ANK3: variants seen among roughly 807,000 people sequenced by gnomAD.
ANK3 encodes the protein ankyrin 3, also known as ankyrin-3.
Under a neutral mutation model 370.9 loss-of-function variants are expected in ANK3, and 57 were observed. That is an observed-to-expected ratio of 0.15 (90% CI 0.12 to 0.19). The LOEUF is 0.19. Ranked by LOEUF, ANK3 falls within the 10% of genes least tolerant of loss-of-function variation. The pLI is 1.00. For missense variants in ANK3, 4,439 were observed against 5,302.1 expected, an observed-to-expected ratio of 0.84 and a Z score of 5.06; for synonymous variants, 1,929 against 1,946.3, an observed-to-expected ratio of 0.99 and a Z score of 0.23.
chr10:60,196,260 AAAC>A lies in ANK3; in HGVS notation c.1789-20_1789-18del. ...TAGCCCGCTCTGAAAACACGTGCAGAAACAACAACCAGTGTCAAAGGTGTCTTA... is the reference window on the plus strand; with the variant it reads ...TAGCCCGCTCTGAAAACACGTGCAGAAACAACCAGTGTCAAAGGTGTCTTA... On this transcript the variant is annotated intron_variant, in intron 15 of 43. Transcript: ENST00000280772. 6.2e-7 allele frequency: 1 copy of A among 1,608,638 alleles called. No individual in the cohort carries two copies. The highest frequency in any genetic ancestry group is 1.1e-5 in the South Asian group (1 of 90,662).
At chr10:60,466,269 T>TA (rs1186126576) in intron 2 of ANK3, among the ~76,000 whole-genome samples, 12 of 152,172 alleles carry the variant, frequency 7.9e-5, no homozygotes, top group Non-Finnish European at 1.8e-4. Context: ...TCTCTTCAGT[T>TA]AGAGTCCTGT....
chr10:60,329,787 T>G (rs1169873376), intron 1 of ANK3, among the ~76,000 whole-genome samples: 2 of 152,162 alleles, frequency 1.3e-5, no homozygotes, highest in African/African-American at 2.4e-5. Context: ...AAAAACTACT[T>G]TAAATTTCAT....
intron 2 of ANK3, among the ~76,000 whole-genome samples, chr10:60,528,137 CT>C (rs10677013): frequency 0.024 from 2,665 of 111,018 alleles, 63 homozygotes; most frequent in African/African-American, 0.073. Flanking sequence ...TCTTCTTCTT[CT>C]TTTTTTTTTT....
At chr10:60,497,001 A>G (rs1266793523) in intron 2 of ANK3, among the ~76,000 whole-genome samples, 1 of 152,210 alleles carries the variant, frequency 6.6e-6, no homozygotes, top group Non-Finnish European at 1.5e-5. Context: ...CAGTTTTAGA[A>G]AAAAACAAAA....
intron 2 of ANK3, among the ~76,000 whole-genome samples, chr10:60,418,359 T>G (rs958831998): frequency 5.3e-5 from 8 of 152,180 alleles, no homozygotes; most frequent in African/African-American, 1.7e-4. Flanking sequence ...TTCCCTCATC[T>G]GCTACACCTG....
rs1425934064 is a variant in ANK3 at position 60,029,435 on chromosome 10, C to T, written c.*411G>A. 1 of 152,534 alleles carries T rather than the reference C, an allele frequency of 6.6e-6. No homozygotes were observed. The highest frequency in any genetic ancestry group is 1.5e-5 in the Non-Finnish European group (1 of 68,010). 9.4% of individuals were successfully genotyped at this position (152,534 alleles called of 1,614,324 possible). A position where few individuals can be genotyped will look rare whatever the true frequency, so the allele number is the denominator to read the frequency against. On this transcript the variant is annotated 3_prime_UTR_variant, in exon 44 of 44. Transcript: ENST00000280772. ...CAGTTTGGGTCCAAGAAAAATAAGG[C>T]GAGCTGTTGTAGATTTAGTAATTTT...
chr10:60,615,120 A>T, intron 2 of ANK3: 1 of 1,064,940 alleles, frequency 9.4e-7, no homozygotes, highest in Non-Finnish European at 1.3e-6. Context: ...TATGTTTATA[A>T]TTGTAAGAAG....
chr10:60,215,613 T>A (rs1011011490), intron 8 of ANK3, among the ~76,000 whole-genome samples: 2 of 152,112 alleles, frequency 1.3e-5, no homozygotes, highest in Admixed American at 6.6e-5. Flanking sequence ...TACTGAATAG[T>A]ATATCCTTTC....
intron 1 of ANK3, among the ~76,000 whole-genome samples, chr10:60,644,079 C>A (rs1401863668): frequency 1.3e-5 from 2 of 152,108 alleles, no homozygotes; most frequent in East Asian, 1.9e-4. Flanking sequence ...CAGAGGAAAC[C>A]AAAAGAACCC....
intron 1 of ANK3, among the ~76,000 whole-genome samples, chr10:60,369,993 C>T (rs2059893879): frequency 6.6e-6 from 1 of 152,116 alleles, no homozygotes; most frequent in Non-Finnish European, 1.5e-5. Flanking sequence ...ATTAAGGTGA[C>T]ATTTTTCATT....
intron 5 of ANK3, among the ~76,000 whole-genome samples, chr10:60,265,863 C>T (rs1352970280): frequency 2.0e-5 from 3 of 152,130 alleles, no homozygotes; most frequent in African/African-American, 7.2e-5. Context: ...GTACTGTCCC[C>T]TATAAAGTCC....
At chr10:60,050,001 T>C (rs995311678) in intron 42 of ANK3, among the ~76,000 whole-genome samples, 5 of 152,192 alleles carry the variant, frequency 3.3e-5, no homozygotes, top group East Asian at 1.9e-4. Context: ...GTATGTGATA[T>C]GTTAAGCATA....
intron 2 of ANK3, among the ~76,000 whole-genome samples, chr10:60,514,406 G>T (rs1449610605): frequency 1.3e-5 from 2 of 152,082 alleles, no homozygotes; most frequent in Non-Finnish European, 2.9e-5. Flanking sequence ...TAAGCAATCA[G>T]AATGGCCCAG....
intron 1 of ANK3, among the ~76,000 whole-genome samples, chr10:60,319,297 T>C (rs980343205): frequency 6.6e-6 from 1 of 152,188 alleles, no homozygotes; most frequent in African/African-American, 2.4e-5. Flanking sequence ...TTATTATTAT[T>C]ATCCTTCTTT....
intron 25 of ANK3, among the ~76,000 whole-genome samples, chr10:60,119,502 C>T (rs768480344): frequency 3.3e-5 from 5 of 152,204 alleles, no homozygotes; most frequent in Admixed American, 6.5e-5. Flanking sequence ...GGTGGTGGCT[C>T]ATGCCTATAA....
At chr10:60,067,329 T>C (rs1055466418) in intron 38 of ANK3, among the ~76,000 whole-genome samples, 5 of 152,252 alleles carry the variant, frequency 3.3e-5, no homozygotes, top group African/African-American at 1.2e-4. Flanking sequence ...ACATAGATAA[T>C]GCAAATAATC....
rs148867301 is a variant in ANK3, at chr10:60,442,231, G to A, written c.97-162592C>T. ...CTGTCTCGGCCTTTCCAGTAGCTGG[G>A]ATTATAGGTGCACGCCACCACGCCT... On this transcript the variant is annotated intron_variant, in intron 2 of 43. Coordinates refer to the ANK3 transcript ENST00000373827. 3.4e-3 allele frequency among the ~76,000 whole-genome samples: 524 copies of A among 151,886 alleles called. 4 individuals carry two copies. Among genetic ancestry groups the A allele is most frequent in the African/African-American group, 0.011 (439 of 41,410 alleles).
intron 2 of ANK3, chr10:60,508,090 C>T (rs963419612): frequency 9.9e-5 from 15 of 152,092 alleles, no homozygotes; most frequent in Non-Finnish European, 1.3e-4. Context: ...TTGGGTGGGA[C>T]TTCAGACCAT....
intron 1 of ANK3, among the ~76,000 whole-genome samples, chr10:60,635,115 A>T (rs2078536259): frequency 6.6e-6 from 1 of 152,176 alleles, no homozygotes; most frequent in Admixed American, 6.5e-5. Context: ...CGCATTTCTA[A>T]AACCTTAATG....
Sources: allele counts gnomAD v4.1 joint callset (sites outside exome capture counted in the v4.1 genomes callset), GRCh38; gene constraint gnomAD v4.1.1; transcripts MANE v1.5; gene names NCBI Gene and HGNC (gene_info 2026-07-23, HGNC 2026-07-21).